Variants in ANP32B observed in about 807,000 individuals in gnomAD.
The protein encoded by ANP32B is acidic nuclear phosphoprotein 32 family member B.
A neutral mutation model predicts 32.2 loss-of-function variants in ANP32B; 6 were observed. The ratio of observed to expected loss-of-function variants is 0.19; its 90% CI spans 0.10 to 0.37. The LOEUF is 0.37. Ranked by LOEUF, ANP32B falls within the 10% of genes least tolerant of loss-of-function variation. The pLI is 1.00. For synonymous variants in ANP32B, 98 were observed against 105.8 expected, an observed-to-expected ratio of 0.93 and a Z score of 0.45; for missense variants, 204 against 289.2, an observed-to-expected ratio of 0.71 and a Z score of 2.14.
At chr9:98,001,634 A>G (rs1827994266) in intron 3 of ANP32B, among the ~76,000 whole-genome samples, 1 of 152,146 alleles carries the variant, frequency 6.6e-6, no homozygotes, top group Non-Finnish European at 1.5e-5. Flanking sequence ...AGCACACAGC[A>G]ATGGAGCAGA....
chr9:98,013,540 T>A (rs1362120151), intron 6 of ANP32B, among the ~76,000 whole-genome samples: 5 of 152,244 alleles, frequency 3.3e-5, no homozygotes, highest in Non-Finnish European at 1.5e-5. Flanking sequence ...TAGCTGTTAC[T>A]TATTTAATAC....
At chr9:97,994,866 A>G in intron 2 of ANP32B, 86 bp downstream of exon 2, 2 of 1,347,324 alleles carry the variant, frequency 1.5e-6, no homozygotes, top group Non-Finnish European at 2.0e-6. Context: ...CACTTAGTGT[A>G]GCAGAAAGCA....
chr9:98,015,511 A>G lies in ANP32B; in HGVS notation c.*80A>G, dbSNP rs1443335481. Reference sequence around the variant, plus strand: ...GGATTTTGTAGCTGTTTAAAAAAAAAAAAAAGGTAGCTGTGATACAAACCC... The same window carrying G: ...GGATTTTGTAGCTGTTTAAAAAAAAGAAAAAGGTAGCTGTGATACAAACCC... On this transcript the variant is annotated 3_prime_UTR_variant, in exon 7 of 7. Transcript: ENST00000339399. 9 of 1,492,518 alleles carry G rather than the reference A, an allele frequency of 6.0e-6. No individual in the cohort carries two copies. Among genetic ancestry groups the G allele is most frequent in the Non-Finnish European group, 7.1e-6 (8 of 1,121,202 alleles). The allele number at this position is 1,492,518 out of a possible 1,614,324, so 92.5% of individuals were successfully genotyped here.
intron 2 of ANP32B, among the ~76,000 whole-genome samples, chr9:97,995,580 GGTTT>G (rs956610740): frequency 4.6e-5 from 7 of 152,144 alleles, no homozygotes; most frequent in South Asian, 2.1e-4. Context: ...TTGGTATTGG[GGTTT>G]GTTTGTTTGT....
chr9:97,984,875 C>T (rs1217472879), intron 1 of ANP32B, among the ~76,000 whole-genome samples: 3 of 150,672 alleles, frequency 2.0e-5, no homozygotes, highest in Non-Finnish European at 4.5e-5. Flanking sequence ...GGCTTCGGCT[C>T]GGCTCGTGGG....
At chr9:97,992,715 C>T (rs1002573090) in intron 1 of ANP32B, among the ~76,000 whole-genome samples, 25 of 151,994 alleles carry the variant, frequency 1.6e-4, no homozygotes, top group African/African-American at 5.8e-4. Context: ...TTTAATGGTT[C>T]GTTGGTTTTA....
chr9:98,001,292 C>T (rs994752773), intron 3 of ANP32B, among the ~76,000 whole-genome samples: 5 of 151,620 alleles, frequency 3.3e-5, no homozygotes, highest in African/African-American at 7.3e-5. Flanking sequence ...TCTGGGTTCA[C>T]GCCATTCTCC....
chr9:97,988,463 G>A (rs1388008121), intron 1 of ANP32B, among the ~76,000 whole-genome samples: 3 of 152,148 alleles, frequency 2.0e-5, no homozygotes, highest in Non-Finnish European at 4.4e-5. Context: ...AGTGGCTCGT[G>A]CCTATAATCC....
intron 3 of ANP32B, among the ~76,000 whole-genome samples, chr9:98,000,681 T>A (rs1158738366): frequency 6.6e-6 from 1 of 152,082 alleles, no homozygotes; most frequent in Non-Finnish European, 1.5e-5. Context: ...CCCAGCACTT[T>A]GGGAGGCCGA....
chr9:97,998,427 C>T (rs76213015), intron 2 of ANP32B, 129 bp from the exon 3 acceptor site: 2 of 1,009,770 alleles, frequency 2.0e-6, no homozygotes, highest in Non-Finnish European at 2.8e-6. Context: ...CATGCATGCC[C>T]TAATAGAAAT....
At chr9:97,995,948 A>AAAAGT (rs1357719490) in intron 2 of ANP32B, among the ~76,000 whole-genome samples, 2 of 151,710 alleles carry the variant, frequency 1.3e-5, no homozygotes, top group African/African-American at 4.8e-5. Context: ...AAAAAAAAAA[A>AAAAGT]AAAGTATAAT....
rs368602364 is a variant in ANP32B at position 98,012,397 on chromosome 9, G to A, written c.637-24G>A. On this transcript the variant is annotated intron_variant, in intron 5 of 6. Transcript: ENST00000339399. ...TTCAATTTGGCAGAATTAATTTAAT[G>A]TTATGCTGTTTGCTATTCTTTAGGA... The A allele has an allele frequency of 9.3e-6, 15 of 1,606,746 alleles. No individual in the cohort carries two copies. The South Asian group carries it at 1.0e-4, about 11-fold the overall frequency.
At chr9:98,011,110 A>G (rs1302546858) in intron 4 of ANP32B, among the ~76,000 whole-genome samples, 161 bp from the exon 5 acceptor site, 1 of 152,150 alleles carries the variant, frequency 6.6e-6, no homozygotes, top group Admixed American at 6.5e-5. Flanking sequence ...ATGGGACTCT[A>G]TCGGACAAAG....
chr9:98,005,692 G>A (rs1351840454), intron 4 of ANP32B, among the ~76,000 whole-genome samples: 1 of 152,188 alleles, frequency 6.6e-6, no homozygotes, highest in Non-Finnish European at 1.5e-5. Flanking sequence ...CCAAGTGGTG[G>A]GATTACAGGG....
chr9:97,983,877 C>A (rs1032629432), intron 1 of ANP32B, among the ~76,000 whole-genome samples: 1 of 151,988 alleles, frequency 6.6e-6, no homozygotes, highest in Non-Finnish European at 1.5e-5. Context: ...CGGGGTCTTT[C>A]CCCTGAGGGA....
intron 3 of ANP32B, among the ~76,000 whole-genome samples, chr9:97,999,952 T>C (rs1233411687): frequency 1.3e-5 from 2 of 152,196 alleles, no homozygotes; most frequent in Non-Finnish European, 2.9e-5. Flanking sequence ...TGTCAGAGTA[T>C]ATTAAAATAA....
intron 3 of ANP32B, among the ~76,000 whole-genome samples, chr9:98,000,466 C>T (rs551433632): frequency 9.2e-5 from 14 of 152,174 alleles, no homozygotes; most frequent in Middle Eastern, 3.4e-3. Flanking sequence ...GTATTTAAGC[C>T]GACATTTACT....
chr9:97,986,314 T>G (rs932998), intron 1 of ANP32B, among the ~76,000 whole-genome samples: 141,133 of 152,346 alleles, frequency 0.93, 65,513 homozygotes, highest in East Asian at 1. Flanking sequence ...GTAAACATTT[T>G]AAGCCTGAGA....
At chr9:97,995,360 TA>T (rs1407112800) in intron 2 of ANP32B, among the ~76,000 whole-genome samples, 2 of 152,248 alleles carry the variant, frequency 1.3e-5, no homozygotes, top group Non-Finnish European at 2.9e-5. Flanking sequence ...CCGTATCTCC[TA>T]ACCCCATACC....
Sources: gnomAD v4.1 joint callset for allele counts (sites outside exome capture counted in the v4.1 genomes callset) on GRCh38, gnomAD v4.1.1 for gene constraint, MANE v1.5 for transcripts, NCBI Gene and HGNC (gene_info 2026-07-23, HGNC 2026-07-21) for gene names.